REPS2: variants seen among roughly 807,000 people sequenced by gnomAD.
The protein encoded by REPS2 is ralBP1-associated Eps domain-containing protein 2.
A neutral mutation model predicts 53.6 loss-of-function variants in REPS2; 23 were observed. The ratio of observed to expected loss-of-function variants is 0.43; its 90% CI spans 0.31 to 0.61. The LOEUF is 0.61. Among genes scored for constraint, REPS2 ranks in the 20% least tolerant of loss-of-function variants. The probability of loss-of-function intolerance (pLI) is 0.11; values close to 1 mark genes in which losing one functional copy is unlikely to be tolerated. For missense variants in REPS2, 446 were observed against 534.9 expected (o/e 0.83, Z 1.64); for synonymous variants, 238 against 218.6 (o/e 1.09, Z -0.78).
intron 1 of REPS2, among the ~76,000 whole-genome samples, chrX:16,955,161 A>C (rs1461217523): frequency 9.0e-6 from 1 of 110,626 alleles, no homozygotes; most frequent in Non-Finnish European, 1.9e-5. Flanking sequence ...GGGTTTTTCA[A>C]ACTTTCTGTT....
At chrX:17,176,977 T>A in the REPS2 span, among the ~76,000 whole-genome samples, 1 of 112,430 alleles carries the variant, frequency 8.9e-6, no homozygotes, top group Non-Finnish European at 1.9e-5. Flanking sequence ...TCTTTCTTCC[T>A]TAGCTCTGCT....
At chrX:16,984,297 G>T (rs965628239) in intron 1 of REPS2, among the ~76,000 whole-genome samples, 1 of 112,245 alleles carries the variant, frequency 8.9e-6, no homozygotes, top group African/African-American at 3.2e-5. Flanking sequence ...TCTCTTTAGG[G>T]TTGCTTGATT....
intron 1 of REPS2, among the ~76,000 whole-genome samples, chrX:16,985,443 G>A (rs2061079437): frequency 8.9e-6 from 1 of 111,885 alleles, no homozygotes; most frequent in African/African-American, 3.3e-5. Context: ...ATTTTACACA[G>A]AGACTGGCTC....
chrX:16,960,506 C>A (rs1013803994), intron 1 of REPS2, among the ~76,000 whole-genome samples: 1 of 112,369 alleles, frequency 8.9e-6, no homozygotes, highest in Non-Finnish European at 1.9e-5. Flanking sequence ...CATTAAAGAC[C>A]ATTTATGTAG....
chrX:17,064,268 T>C (rs2062197715), intron 9 of REPS2, among the ~76,000 whole-genome samples: 1 of 112,124 alleles, frequency 8.9e-6, no homozygotes, highest in African/African-American at 3.2e-5. Flanking sequence ...GTTTGTTCAT[T>C]TAAGAAGTAC....
the REPS2 span, among the ~76,000 whole-genome samples, chrX:17,169,924 C>T: frequency 5.4e-5 from 6 of 112,085 alleles, no homozygotes; most frequent in East Asian, 1.7e-3. Flanking sequence ...AGCTCTCCCT[C>T]TGTCCCATCT....
intron 13 of REPS2, among the ~76,000 whole-genome samples, chrX:17,096,059 T>C (rs1189195324): frequency 8.9e-6 from 1 of 112,319 alleles, no homozygotes; most frequent in African/African-American, 3.2e-5. Context: ...CAAAAGTCTT[T>C]GGATAGGACA....
At chrX:17,091,039 T>C (rs1326553366) in intron 13 of REPS2, among the ~76,000 whole-genome samples, 3 of 112,205 alleles carry the variant, frequency 2.7e-5, no homozygotes, top group Non-Finnish European at 5.6e-5. Flanking sequence ...CTGTTAAATA[T>C]AAGGGCTTAT....
chrX:17,191,880 G>T, the REPS2 span, among the ~76,000 whole-genome samples: 2 of 111,951 alleles, frequency 1.8e-5, no homozygotes, highest in Admixed American at 1.9e-4. Context: ...TAAGTGTGGG[G>T]CAAGGAGTTG....
At chrX:17,115,320 T>C (rs1278817275) in intron 14 of REPS2, among the ~76,000 whole-genome samples, 1 of 112,620 alleles carries the variant, frequency 8.9e-6, no homozygotes, top group East Asian at 2.8e-4. Flanking sequence ...AGTGCTGTGC[T>C]TTAGATATGC....
chrX:17,146,741 C>G (rs1347945046), intron 17 of REPS2, among the ~76,000 whole-genome samples: 2 of 111,754 alleles, frequency 1.8e-5, no homozygotes, highest in South Asian at 3.8e-4. Flanking sequence ...CACAATTCAG[C>G]CTTTCTACAG....
intron 13 of REPS2, among the ~76,000 whole-genome samples, chrX:17,097,351 A>G (rs1603008362): frequency 8.9e-6 from 1 of 112,568 alleles, no homozygotes. Flanking sequence ...TCTAAAAGAC[A>G]TACTTTAGAC....
chrX:17,052,527 G>T, intron 7 of REPS2, 82 bp downstream of exon 7: 1 of 734,767 alleles, frequency 1.4e-6, no homozygotes, highest in Non-Finnish European at 2.0e-6. Context: ...TTTTTTAAAG[G>T]CTTATGTTTT....
At chrX:17,043,187 G>A (rs2061857025) in intron 5 of REPS2, among the ~76,000 whole-genome samples, 1 of 111,177 alleles carries the variant, frequency 9.0e-6, no homozygotes, top group African/African-American at 3.3e-5. Flanking sequence ...GAGATGGGGG[G>A]GTAGGTTAGC....
rs2063540317 is a variant in REPS2 at position 17,148,832 on chromosome X, T to C, written c.*1351T>C. 2 of 332,101 alleles carry C rather than the reference T, an allele frequency of 6.0e-6. No individual in the cohort carries two copies. The highest frequency in any genetic ancestry group is 1.2e-5 in the Non-Finnish European group (2 of 173,065). 27.4% of individuals were successfully genotyped at this position (332,101 alleles called of 1,213,427 possible). A position where few individuals can be genotyped will look rare whatever the true frequency, so the allele number is the denominator to read the frequency against. On this transcript the variant is annotated 3_prime_UTR_variant, in exon 18 of 18. Coordinates refer to ENST00000357277, the MANE Select transcript of REPS2 (RefSeq NM_004726.3). ...AAATGCTGTCTCTTGTGCATTTTAC[T>C]AATTTCCCCATTCTTAGGGTAGCAG...
At chrX:17,171,279 C>T in the REPS2 span, among the ~76,000 whole-genome samples, 11 of 112,026 alleles carry the variant, frequency 9.8e-5, no homozygotes. Flanking sequence ...AGACCTGGTT[C>T]ACCTCACACC....
At chrX:17,063,531 G>A in intron 9 of REPS2, among the ~76,000 whole-genome samples, 2 of 111,845 alleles carry the variant, frequency 1.8e-5, no homozygotes, top group Non-Finnish European at 3.8e-5. Flanking sequence ...CTGCCATTTT[G>A]CTTCTCTTTC....
chrX:17,171,723 G>T, the REPS2 span, among the ~76,000 whole-genome samples: 9 of 109,150 alleles, frequency 8.2e-5, no homozygotes, highest in African/African-American at 3.0e-4. Flanking sequence ...ACAGCATTTT[G>T]CCATGTTGCC....
At chrX:16,973,350 T>A (rs1168266595) in intron 1 of REPS2, among the ~76,000 whole-genome samples, 2 of 111,824 alleles carry the variant, frequency 1.8e-5, no homozygotes, top group East Asian at 5.6e-4. Context: ...TAGGCAGATA[T>A]CCTATTTATC....
Sources: gnomAD v4.1 joint callset for allele counts (sites outside exome capture counted in the v4.1 genomes callset) on GRCh38, gnomAD v4.1.1 for gene constraint, MANE v1.5 for transcripts, NCBI Gene and HGNC (gene_info 2026-07-23, HGNC 2026-07-21) for gene names.